ZNF534: variants seen among roughly 807,000 people sequenced by gnomAD.
The protein encoded by ZNF534 is KRAB domain only 3.
ZNF534 carries 19 observed loss-of-function variants against 13.6 expected under a neutral mutation model. The observed-to-expected ratio is 1.40, with a 90% CI of 0.97 to 2.05. The LOEUF (loss-of-function observed/expected upper bound fraction) is 2.05. ZNF534 is among the 30% of genes most tolerant of loss of function. ZNF534 has a pLI of 0.00. For missense variants in ZNF534, 782 were observed against 796.3 expected, an observed-to-expected ratio of 0.98 and a Z score of 0.22; for synonymous variants, 244 against 273.8, an observed-to-expected ratio of 0.89 and a Z score of 1.07.
downstream of ZNF534, among the ~76,000 whole-genome samples, chr19:52,446,004 C>G (rs1317628928): frequency 6.6e-6 from 1 of 152,104 alleles, no homozygotes; most frequent in East Asian, 1.9e-4. Flanking sequence ...AACACAATAA[C>G]TGATATGAAC....
downstream of ZNF534, among the ~76,000 whole-genome samples, chr19:52,445,352 A>G (rs1041605557): frequency 1.3e-5 from 2 of 152,038 alleles, no homozygotes; most frequent in Admixed American, 1.3e-4. Context: ...ACATGCCACC[A>G]TGCCTGGCTA....
rs2059176932 is a variant in ZNF534 at position 52,442,113 on chromosome 19, C to T, written c.*2667C>T. Reference sequence around the variant, plus strand: ...TGCTGAGGATATCCAAGGACCATTACTATAGAACATGAAAAGGATTTAATT... The same window carrying T: ...TGCTGAGGATATCCAAGGACCATTATTATAGAACATGAAAAGGATTTAATT... On this transcript the variant is annotated 3_prime_UTR_variant, in exon 5 of 5. Transcript: ENST00000433050. 6.6e-6 allele frequency among the ~76,000 whole-genome samples: 1 copy of T among 152,176 alleles called. No individual in the cohort carries two copies. Among genetic ancestry groups the T allele is most frequent in the Non-Finnish European group, 1.5e-5 (1 of 68,040 alleles).
At position 52,439,110 on chromosome 19, in the gene ZNF534, C is replaced by A; in HGVS notation, c.1650C>A (p.Tyr550Ter). Residue 550 changes from tyrosine (Y) to a stop codon, truncating the protein, a stop_gained, in exon 5 of 5, where the codon TAC (tyrosine) becomes TAA (stop). Coordinates refer to ENST00000433050, the MANE Select transcript of ZNF534 (RefSeq NM_001143938.3). LOFTEE classifies it low-confidence loss of function (END_TRUNC). Reference protein sequence around the residue: ...HRNVHTGEKPYSCNECGKVFS... With the variant: ...HRNVHTGEKP ...ATGTTCATACTGGAGAAAAGCCTTA[C>A]AGTTGTAATGAATGTGGCAAGGTCT... 6.3e-7 allele frequency: 1 copy of A among 1,595,600 alleles called. No individual in the cohort carries two copies. The highest frequency in any genetic ancestry group is 8.5e-7 in the Non-Finnish European group (1 of 1,170,484).
rs764128976 is a variant in ZNF534, at chr19:52,438,735, C to T, written c.1275C>T (p.Leu425=). The change falls in exon 5 of 5, where the codon CTC becomes CTT. Residue 425 remains leucine, a synonymous_variant. Transcript: ENST00000433050. Reference sequence around the variant, plus strand: ...AAGCATTTAGAACGTGTTCAGATCTCACTGCCCATCTTCTAATCCATACTG... The same window carrying T: ...AAGCATTTAGAACGTGTTCAGATCTTACTGCCCATCTTCTAATCCATACTG... The part of the protein sequence containing the change: ...CGKAFRTCSD[L]TAHLLIHTGE... The T allele has an allele frequency of 1.1e-5, 17 of 1,592,686 alleles. No individual in the cohort carries two copies. The highest frequency in any genetic ancestry group is 1.4e-5 in the Non-Finnish European group (16 of 1,169,272).
At chr19:52,451,932 G>A (rs1284146811) in exon 5 of ZNF534, 8 of 438,008 alleles carry the variant, frequency 1.8e-5, no homozygotes, top group Non-Finnish European at 2.6e-5. Flanking sequence ...TGGCTCTACC[G>A]GAAAGAATTA....
At chr19:52,429,783 T>C (rs183730109) in intron 1 of ZNF534, among the ~76,000 whole-genome samples, 1,668 of 151,658 alleles carry the variant, frequency 0.011, 19 homozygotes, top group Non-Finnish European at 0.017. Context: ...TTAGTAGAGA[T>C]GGGGTTTCAC....
intron 1 of ZNF534, 146 bp from the exon 2 acceptor site, chr19:52,431,262 A>C (rs2059085222): frequency 3.1e-6 from 2 of 635,020 alleles, no homozygotes; most frequent in Non-Finnish European, 5.5e-6. Context: ...TAAAAAACTC[A>C]CTTGTTGATT....
chr19:52,435,470 G>A (rs575295205), intron 4 of ZNF534, among the ~76,000 whole-genome samples: 1 of 152,108 alleles, frequency 6.6e-6, no homozygotes, highest in Admixed American at 6.5e-5. Flanking sequence ...AACCAAAGCT[G>A]AAATCCTTTG....
intron 3 of ZNF534, among the ~76,000 whole-genome samples, chr19:52,434,505 C>T (rs2059115985): frequency 6.9e-6 from 1 of 144,964 alleles, no homozygotes; most frequent in Non-Finnish European, 1.5e-5. Context: ...AAGCATTATG[C>T]TTTCTGAACT....
intron 4 of ZNF534, among the ~76,000 whole-genome samples, chr19:52,435,770 G>T (rs1319015694): frequency 1.3e-5 from 2 of 151,240 alleles, no homozygotes; most frequent in East Asian, 2.0e-4. Flanking sequence ...CTCCCAAAGT[G>T]CTGGGATTAC....
Position 52,438,167 on chromosome 19 carries a change from A to T in ZNF534, c.707A>T (p.His236Leu). 1 of 1,614,172 alleles carries T rather than the reference A, an allele frequency of 6.2e-7. No homozygotes were observed. Among genetic ancestry groups the T allele is most frequent in the Non-Finnish European group, 8.5e-7 (1 of 1,179,998 alleles). The change falls in exon 5 of 5, where the codon CAT (histidine) becomes CTT (leucine). Residue 236 changes from histidine to leucine, a missense_variant. Transcript: ENST00000433050. ...NSNFAQHQRI[H>L]TGEKPYKYNE... ...AACTTTGCACAACATCAACGAATCC[A>T]TACTGGAGAGAAGCCTTACAAATAT... is the stretch of plus-strand genomic sequence containing the variant.
At position 52,439,181 on chromosome 19, in the gene ZNF534, G is replaced by T. The variant is rs771961052; in HGVS notation, c.1721G>T (p.Gly574Val). The T allele has an allele frequency of 1.3e-6, 2 of 1,543,200 alleles. No individual in the cohort carries two copies. The highest frequency in any genetic ancestry group is 4.8e-5 in the East Asian group (2 of 41,408). The change falls in exon 5 of 5, where the codon GGA (glycine) becomes GTA (valine). Residue 574 changes from glycine (G) to valine (V), a missense_variant. By Grantham distance (109) the Gly-to-Val change is moderately radical. Coordinates refer to ENST00000433050, the MANE Select transcript of ZNF534 (RefSeq NM_001143938.3). ...HLARHRNIHTGEKPHSCNECG... is the reference protein window; with the variant it reads ...HLARHRNIHTVEKPHSCNECG... ...GCGCGACATAGGAATATTCATACTG[G>T]AGAGAAGCCTCACAGTTGTAATGAA... is the stretch of plus-strand genomic sequence containing the variant.
At chr19:52,447,348 C>G (rs1221043620), downstream of ZNF534, among the ~76,000 whole-genome samples, 1 of 152,168 alleles carries the variant, frequency 6.6e-6, no homozygotes, top group Non-Finnish European at 1.5e-5. Context: ...CCTTTCTGGT[C>G]TCTTACATTT....
rs189280289 is a variant in ZNF534 at position 52,432,914 on chromosome 19, G to A, written c.16-1041G>A. Among the ~76,000 whole-genome samples the A allele has an allele frequency of 3.3e-3, 497 of 152,184 alleles. 10 individuals are homozygous for A. Among genetic ancestry groups the A allele is most frequent in the African/African-American group, 0.011 (458 of 41,504 alleles). ...CAAAGTGCTGGGATTACAGGTGTGA[G>A]CCACTGCGCCCGGCCCAGATTTTGA... On this transcript the variant is annotated intron_variant, in intron 2 of 4. Coordinates refer to ENST00000433050, the MANE Select transcript of ZNF534 (RefSeq NM_001143938.3).
rs1205575189 is a variant in ZNF534, at chr19:52,438,087, T to C, written c.627T>C (p.Ile209=). ...TTACTAACCGTCAAGTAATCCACAT[T>C]GCAGATAAAACTTACAAATGTAGTG... ...SSLTNRQVIH[I]ADKTYKCSDC... Residue 209 remains isoleucine (I), a synonymous_variant, in exon 5 of 5, where the codon ATT becomes ATC. Transcript: ENST00000433050. 1.2e-6 allele frequency: 2 copies of C among 1,614,180 alleles called. No individual in the cohort carries two copies. Among genetic ancestry groups the C allele is most frequent in the South Asian group, 2.2e-5 (2 of 91,086 alleles).
In ZNF534 at chr19:52,440,497, G is replaced by C. The variant is rs554936562; in HGVS notation, c.*1051G>C. 1.4e-4 allele frequency among the ~76,000 whole-genome samples: 22 copies of C among 152,178 alleles called. No individual in the cohort carries two copies. The highest frequency in any genetic ancestry group is 4.8e-4 in the African/African-American group (20 of 41,542). On this transcript the variant is annotated 3_prime_UTR_variant, in exon 5 of 5. Coordinates refer to ENST00000433050, the MANE Select transcript of ZNF534 (RefSeq NM_001143938.3). The stretch of plus-strand genomic sequence containing the variant: ...CTTGCACATCAAATAATTCATACTG[G>C]AGGCTGGGTGCGGTGGCTCACGCCT...
chr19:52,443,222 A>C (rs1435197871), downstream of ZNF534, among the ~76,000 whole-genome samples: 1 of 152,168 alleles, frequency 6.6e-6, no homozygotes, highest in Non-Finnish European at 1.5e-5. Context: ...TAACCTGATG[A>C]CAGTGTGCCT....
At chr19:52,445,483 C>T (rs1008109422), downstream of ZNF534, among the ~76,000 whole-genome samples, 2 of 152,194 alleles carry the variant, frequency 1.3e-5, no homozygotes, top group Non-Finnish European at 2.9e-5. Context: ...AGGTGTGAGC[C>T]ATAGCACCCA....
At chr19:52,444,445 G>A (rs1225910734), downstream of ZNF534, among the ~76,000 whole-genome samples, 3 of 152,148 alleles carry the variant, frequency 2.0e-5, no homozygotes, top group Non-Finnish European at 2.9e-5. Flanking sequence ...CTGAGTTTTG[G>A]TTGTTTAAAG....
Sources: allele counts gnomAD v4.1 joint callset (sites outside exome capture counted in the v4.1 genomes callset), GRCh38; gene constraint gnomAD v4.1.1; transcripts MANE v1.5; gene names NCBI Gene and HGNC (gene_info 2026-07-23, HGNC 2026-07-21).